GSE1: variants seen among roughly 807,000 people sequenced by gnomAD.
GSE1 encodes genetic suppressor element 1.
In GSE1, 32 loss-of-function variants were observed where a neutral mutation model predicts 112.6. The observed-to-expected ratio is 0.28, with a 90% CI of 0.21 to 0.38. The LOEUF (loss-of-function observed/expected upper bound fraction) is 0.38, where lower values mean the gene tolerates loss of function less well. GSE1 is among the 10% of genes least tolerant of loss of function. GSE1 has a pLI of 1.00. For synonymous variants in GSE1, 1,115 were observed against 735.6 expected, an observed-to-expected ratio of 1.52 and a Z score of -8.35; for missense variants, 2,348 against 1,699.2, an observed-to-expected ratio of 1.38 and a Z score of -6.71.
Position 85,408,063 on chromosome 16 carries a change from A to C in GSE1, c.2464+50420A>C, listed in dbSNP as rs375310437. Among the ~76,000 whole-genome samples, 11 of 33,254 alleles carry C rather than the reference A, an allele frequency of 3.3e-4. 2 individuals carry two copies. The highest frequency in any genetic ancestry group is 4.5e-4 in the Non-Finnish European group (8 of 17,924). The allele number at this position is 33,254 out of a possible 152,430, so 21.8% of individuals were successfully genotyped here. Reference sequence around the variant, plus strand: ...TGGATAATCCTGTTACTCTCAGGGCACCTGGATAATCCTCACTGTTACACT... The same window carrying C: ...TGGATAATCCTGTTACTCTCAGGGCCCCTGGATAATCCTCACTGTTACACT... On this transcript the variant is annotated intron_variant, in intron 2 of 2. Coordinates refer to the GSE1 transcript ENST00000637419.
At chr16:85,222,898 T>C (rs186207239) in intron 1 of GSE1, among the ~76,000 whole-genome samples, 1 of 152,312 alleles carries the variant, frequency 6.6e-6, no homozygotes, top group South Asian at 2.1e-4. Flanking sequence ...CTTACCATTT[T>C]AGTTTTGCAT....
In GSE1 at chr16:85,506,840, C is replaced by A. The variant is rs555048530; in HGVS notation, c.2465-127074C>A. 3.3e-5 allele frequency among the ~76,000 whole-genome samples: 5 copies of A among 152,276 alleles called. No homozygotes were observed. In the South Asian group the frequency reaches 1.0e-3, roughly 32 times the overall value. On this transcript the variant is annotated intron_variant, in intron 2 of 2. Coordinates refer to the GSE1 transcript ENST00000637419. ...AGACGAAGCCTTTGTTCCCCCAAAC[C>A]TTATAGCTTAGTGAGGGGACAGTGC... is the stretch of plus-strand genomic sequence containing the variant.
intron 1 of GSE1, among the ~76,000 whole-genome samples, chr16:85,576,206 A>G (rs2151361132): frequency 6.6e-6 from 1 of 152,294 alleles, no homozygotes; most frequent in South Asian, 2.1e-4. Flanking sequence ...AATGCAATTT[A>G]TTTTTATGGT....
In GSE1 at chr16:85,307,227, G is replaced by A. The variant is rs75199569; in HGVS notation, c.2284-50236G>A. On this transcript the variant is annotated intron_variant, in intron 1 of 2. Transcript: ENST00000637419. ...TGTCAAATGGTTTGCATGGTGGAGA[G>A]GCAGGTACACTCCGTGTCAGGCCTG... Among the ~76,000 whole-genome samples, 353 of 152,330 alleles carry A rather than the reference G, an allele frequency of 2.3e-3. 3 individuals carry two copies. The highest frequency in any genetic ancestry group is 8.1e-3 in the African/African-American group (338 of 41,572).
intron 2 of GSE1, chr16:85,490,552 C>G (rs2050977120): frequency 6.6e-6 from 1 of 152,290 alleles, no homozygotes; most frequent in African/African-American, 2.4e-5. Flanking sequence ...CCCAGGCCAG[C>G]CCCTCGCTCG....
intron 2 of GSE1, among the ~76,000 whole-genome samples, chr16:85,375,179 T>G (rs946439542): frequency 2.0e-5 from 3 of 152,144 alleles, no homozygotes; most frequent in Non-Finnish European, 2.9e-5. Context: ...CTGTGCGAGC[T>G]GCCGGCACCC....
At chr16:85,293,665 G>T (rs2045285596) in intron 1 of GSE1, among the ~76,000 whole-genome samples, 1 of 152,228 alleles carries the variant, frequency 6.6e-6, no homozygotes, top group African/African-American at 2.4e-5. Context: ...TTCTGCTGGA[G>T]CTAGAGTGGG....
chr16:85,294,717 T>A (rs572763937), intron 1 of GSE1, among the ~76,000 whole-genome samples: 21 of 123,794 alleles, frequency 1.7e-4, no homozygotes, highest in Non-Finnish European at 3.2e-4. Flanking sequence ...CCCTAGTCTC[T>A]CCATGATCTC....
intron 2 of GSE1, among the ~76,000 whole-genome samples, chr16:85,482,977 C>CAAAAAAAAAAAAAAAAAAAAAA (rs3054201): frequency 1.0e-4 from 5 of 48,254 alleles, no homozygotes; most frequent in African/African-American, 3.5e-4. Flanking sequence ...GACTCCGTCT[C>CAAAAAAAAAAAAAAAAAAAAAA]AAAAAAAAAA....
At chr16:85,629,436 G>A (rs372751864) in intron 1 of GSE1, among the ~76,000 whole-genome samples, 5 of 152,158 alleles carry the variant, frequency 3.3e-5, no homozygotes, top group Non-Finnish European at 7.3e-5. Flanking sequence ...CCCCTTTTGC[G>A]GTAGCATGTG....
chr16:85,584,757 A>T (rs568529036), intron 1 of GSE1, among the ~76,000 whole-genome samples: 1 of 152,196 alleles, frequency 6.6e-6, no homozygotes, highest in Non-Finnish European at 1.5e-5. Flanking sequence ...TTATCCTCTA[A>T]TCTCGTGCAT....
intron 2 of GSE1, among the ~76,000 whole-genome samples, chr16:85,437,225 A>C (rs1317758847): frequency 1.3e-5 from 2 of 152,074 alleles, no homozygotes; most frequent in Non-Finnish European, 2.9e-5. Flanking sequence ...CTCCCCAAGG[A>C]GGCTCCTGGG....
At position 85,465,300 on chromosome 16, in the gene GSE1, C is replaced by T. The variant is rs540095669; in HGVS notation, c.2464+107657C>T. On this transcript the variant is annotated intron_variant, in intron 2 of 2. Transcript: ENST00000637419. ...AATCTCATGCTGCTTCTGTGCCACG[C>T]CCTGGCCCTTCGCATCTCTGCTTGG... 2.0e-5 allele frequency among the ~76,000 whole-genome samples: 3 copies of T among 152,350 alleles called. No individual in the cohort carries two copies. In the South Asian group the frequency reaches 6.2e-4, roughly 32 times the overall value.
intron 1 of GSE1, among the ~76,000 whole-genome samples, chr16:85,601,710 G>T (rs2047472652): frequency 6.6e-6 from 1 of 152,124 alleles, no homozygotes; most frequent in Non-Finnish European, 1.5e-5. Context: ...AAATTTTAAG[G>T]ACATAAACAC....
chr16:85,447,157 A>G (rs2049539505), intron 2 of GSE1, among the ~76,000 whole-genome samples: 2 of 152,250 alleles, frequency 1.3e-5, no homozygotes, highest in African/African-American at 4.8e-5. Context: ...ACCTGGGGCC[A>G]TGCCGGGCCC....
At chr16:85,401,346 G>T (rs550005670) in intron 2 of GSE1, among the ~76,000 whole-genome samples, 2 of 150,502 alleles carry the variant, frequency 1.3e-5, no homozygotes, top group African/African-American at 4.9e-5. Flanking sequence ...GGGAGTACCC[G>T]GGCCATCAGA....
chr16:85,487,655 G>A (rs1241994682), intron 2 of GSE1, among the ~76,000 whole-genome samples: 2 of 152,116 alleles, frequency 1.3e-5, no homozygotes, highest in Admixed American at 6.5e-5. Flanking sequence ...GAATCACCCC[G>A]CGATACAACC....
At chr16:85,402,905 G>A (rs1292524273) in intron 2 of GSE1, among the ~76,000 whole-genome samples, 5 of 147,128 alleles carry the variant, frequency 3.4e-5, no homozygotes, top group Non-Finnish European at 6.0e-5. Flanking sequence ...GACAGTGAAA[G>A]ACCCTGACTC....
At chr16:85,579,190 C>T (rs546341414) in intron 1 of GSE1, among the ~76,000 whole-genome samples, 41 of 152,142 alleles carry the variant, frequency 2.7e-4, no homozygotes, top group Admixed American at 7.9e-4. Context: ...TTAGGAGCAA[C>T]GCTGGTCGGG....
Sources: gnomAD v4.1 joint callset for allele counts (sites outside exome capture counted in the v4.1 genomes callset) on GRCh38, gnomAD v4.1.1 for gene constraint, MANE v1.5 for transcripts, NCBI Gene and HGNC (gene_info 2026-07-23, HGNC 2026-07-21) for gene names.